The following SCN8A variants were observed in gnomAD, a reference collection of about 807,000 sequenced individuals.
SCN8A encodes sodium voltage-gated channel alpha subunit 8, also known as sodium channel protein type 8 subunit alpha.
SCN8A carries 30 observed loss-of-function variants against 184.1 expected under a neutral mutation model. The observed-to-expected ratio is 0.16, with a 90% CI of 0.12 to 0.22. SCN8A has a LOEUF of 0.22. Among genes scored for constraint, SCN8A ranks in the 10% least tolerant of loss-of-function variants. SCN8A has a pLI of 1.00. For missense variants in SCN8A, 1,057 were observed against 2,498.9 expected, an observed-to-expected ratio of 0.42 and a Z score of 12.30; for synonymous variants, 852 against 907.0, an observed-to-expected ratio of 0.94 and a Z score of 1.09.
chr12:51,702,975 A>G (rs1941717364), intron 9 of SCN8A, 61 bp downstream of exon 9: 1 of 1,461,976 alleles, frequency 6.8e-7, no homozygotes, highest in African/African-American at 1.4e-5. Flanking sequence ...GGGGTTGGGG[A>G]CCTTCTGTGT....
chr12:51,645,718 G>C (rs1398815361), intron 1 of SCN8A, among the ~76,000 whole-genome samples: 1 of 149,812 alleles, frequency 6.7e-6, no homozygotes, highest in Non-Finnish European at 1.5e-5. Context: ...TAAGGGCGGT[G>C]CAAGATGTGC....
chr12:51,708,099 TA>T (rs1440090426), intron 11 of SCN8A, among the ~76,000 whole-genome samples: 1 of 152,238 alleles, frequency 6.6e-6, no homozygotes, highest in Non-Finnish European at 1.5e-5. Context: ...CTTCATGTTC[TA>T]AAACATCAGG....
intron 2 of SCN8A, among the ~76,000 whole-genome samples, chr12:51,673,742 C>T (rs1159696422): frequency 6.6e-6 from 1 of 152,134 alleles, no homozygotes; most frequent in African/African-American, 2.4e-5. Flanking sequence ...GGAAGATAAA[C>T]CCCTCCCCTT....
At chr12:51,616,038 T>C (rs569068137) in intron 1 of SCN8A, among the ~76,000 whole-genome samples, 113 of 152,266 alleles carry the variant, frequency 7.4e-4, no homozygotes, top group African/African-American at 2.6e-3. Flanking sequence ...GGCCTCATCA[T>C]TTATATTTTA....
chr12:51,594,827 T>C (rs1011583648), intron 1 of SCN8A, among the ~76,000 whole-genome samples: 3 of 152,166 alleles, frequency 2.0e-5, no homozygotes, highest in African/African-American at 7.2e-5. Flanking sequence ...GAAGCGCTTG[T>C]AAAGTTATCC....
At position 51,594,822 on chromosome 12, in the gene SCN8A, G is replaced by T. The variant is rs576134093; in HGVS notation, c.-55+3463G>T. Among the ~76,000 whole-genome samples the T allele has an allele frequency of 2.0e-5, 3 of 152,040 alleles. No homozygotes were observed. In the East Asian group the frequency reaches 5.8e-4, roughly 29 times the overall value. On this transcript the variant is annotated intron_variant, in intron 1 of 26. Transcript: ENST00000627620. The stretch of plus-strand genomic sequence containing the variant: ...TTTTCCCATAGAGAGGGAAAGAAGC[G>T]CTTGTAAAGTTATCCAGAATGATAG...
intron 11 of SCN8A, among the ~76,000 whole-genome samples, chr12:51,720,241 T>C (rs1371438997): frequency 6.7e-6 from 1 of 150,124 alleles, no homozygotes; most frequent in Non-Finnish European, 1.5e-5. Context: ...GAAAAAAATA[T>C]GTTTAAAATG....
At chr12:51,802,529 G>C (rs1938585311) in intron 26 of SCN8A, among the ~76,000 whole-genome samples, 1 of 152,198 alleles carries the variant, frequency 6.6e-6, no homozygotes, top group South Asian at 2.1e-4. Context: ...TGCGTGGTAA[G>C]AACTTGTGTC....
At chr12:51,724,650 G>T (rs991752303) in intron 12 of SCN8A, among the ~76,000 whole-genome samples, 1 of 152,188 alleles carries the variant, frequency 6.6e-6, no homozygotes, top group African/African-American at 2.4e-5. Context: ...GCAAATGAAG[G>T]ATGGATCAAC....
At chr12:51,759,957 C>T (rs1190826510) in intron 14 of SCN8A, among the ~76,000 whole-genome samples, 3 of 152,190 alleles carry the variant, frequency 2.0e-5, no homozygotes, top group Non-Finnish European at 1.5e-5. Flanking sequence ...CAAGAGAGGG[C>T]CAAACTTGCT....
intron 20 of SCN8A, 125 bp downstream of exon 20, chr12:51,774,487 G>T: frequency 2.3e-6 from 2 of 868,218 alleles, no homozygotes; most frequent in East Asian, 2.6e-5. Flanking sequence ...ATGTAGGTGT[G>T]GGTAAAGTTC....
intron 1 of SCN8A, among the ~76,000 whole-genome samples, chr12:51,638,064 T>C (rs577501902): frequency 5.0e-4 from 76 of 152,228 alleles, no homozygotes; most frequent in Non-Finnish European, 1.0e-3. Flanking sequence ...GCCCTATAAA[T>C]GGAACAACAA....
At chr12:51,689,633 A>G (rs991111726) in intron 6 of SCN8A, 5 of 154,094 alleles carry the variant, frequency 3.2e-5, no homozygotes, top group African/African-American at 1.2e-4. Flanking sequence ...AACTGCACTT[A>G]AATAATCACT....
chr12:51,621,492 G>A (rs536186586), intron 1 of SCN8A, among the ~76,000 whole-genome samples: 1 of 152,326 alleles, frequency 6.6e-6, no homozygotes, highest in East Asian at 1.9e-4. Flanking sequence ...AGTGGGATGG[G>A]TATCAGATGT....
intron 15 of SCN8A, among the ~76,000 whole-genome samples, chr12:51,763,149 A>G (rs1942786648): frequency 6.6e-6 from 1 of 152,200 alleles, no homozygotes; most frequent in South Asian, 2.1e-4. Context: ...AGAATAAAAT[A>G]AGGTTTTTAA....
At chr12:51,626,140 G>A (rs1222424862) in intron 1 of SCN8A, among the ~76,000 whole-genome samples, 1 of 152,188 alleles carries the variant, frequency 6.6e-6, no homozygotes, top group Non-Finnish European at 1.5e-5. Context: ...CAGGGCAGGA[G>A]AAACAGGTTA....
chr12:51,800,753 C>T (rs968567411), intron 26 of SCN8A, among the ~76,000 whole-genome samples: 1 of 152,136 alleles, frequency 6.6e-6, no homozygotes. Context: ...GTTTTGGGTC[C>T]CCTGGAATCA....
chr12:51,789,364 C>T lies in SCN8A; in HGVS notation c.4365C>T (p.Thr1455=), dbSNP rs1287903080. The T allele has an allele frequency of 1.9e-6, 3 of 1,613,986 alleles. No individual in the cohort carries two copies. Among genetic ancestry groups the T allele is most frequent in the Non-Finnish European group, 2.5e-6 (3 of 1,179,912 alleles). Residue 1455 remains threonine (T), a synonymous_variant, in exon 24 of 27, where the codon ACC becomes ACT. Transcript: ENST00000627620. ...VIFIIFGSFF[T]LNLFIGVIID... ...TCATCATCTTCGGCTCCTTCTTCAC[C>T]CTGAACCTGTTCATTGGTGTCATCA...
intron 6 of SCN8A, among the ~76,000 whole-genome samples, chr12:51,697,004 A>C (rs1401370626): frequency 6.9e-6 from 1 of 144,750 alleles, no homozygotes; most frequent in South Asian, 2.2e-4. Flanking sequence ...GTGCCATTGC[A>C]CTCCAGCCTG....
Sources: gnomAD v4.1 joint callset for allele counts (sites outside exome capture counted in the v4.1 genomes callset) on GRCh38, gnomAD v4.1.1 for gene constraint, MANE v1.5 for transcripts, NCBI Gene and HGNC (gene_info 2026-07-23, HGNC 2026-07-21) for gene names.